Variants in SPATA17 observed in about 807,000 individuals in gnomAD.
SPATA17 encodes spermatogenesis-associated protein 17.
In SPATA17, 53 loss-of-function variants were observed where a neutral mutation model predicts 62.2. That is an observed-to-expected ratio of 0.85 (90% confidence interval 0.68 to 1.07). The LOEUF is 1.07. Ranked by LOEUF, SPATA17 falls within the 50% of genes least tolerant of loss-of-function variation. The probability of loss-of-function intolerance (pLI) is 0.00; values close to 1 mark genes in which losing one functional copy is unlikely to be tolerated. For synonymous variants in SPATA17, 146 were observed against 146.8 expected, an observed-to-expected ratio of 0.99 and a Z score of 0.04; for missense variants, 466 against 425.5, an observed-to-expected ratio of 1.10 and a Z score of -0.84.
At chr1:217,783,689 C>T (rs916751285) in intron 8 of SPATA17, among the ~76,000 whole-genome samples, 33 of 151,974 alleles carry the variant, frequency 2.2e-4, no homozygotes, top group African/African-American at 5.1e-4. Context: ...ACTAATTGCT[C>T]AAACAAATAA....
At position 217,726,668 on chromosome 1, in the gene SPATA17, T is replaced by C. The variant is rs141204845; in HGVS notation, c.396-15307T>C. Among the ~76,000 whole-genome samples the C allele has an allele frequency of 5.8e-3, 877 of 152,184 alleles. 9 individuals carry two copies. Among genetic ancestry groups the C allele is most frequent in the African/African-American group, 0.02 (829 of 41,532 alleles). On this transcript the variant is annotated intron_variant, in intron 5 of 10. Coordinates refer to ENST00000366933, the MANE Select transcript of SPATA17 (RefSeq NM_138796.4). ...CTGAGTTTATGATGGGGGTTGTGAC[T>C]GTTCCTTGTTTTCATGCGTATTTCC...
chr1:217,662,092 GT>G, intron 3 of SPATA17, among the ~76,000 whole-genome samples: 1 of 152,178 alleles, frequency 6.6e-6, no homozygotes, highest in Non-Finnish European at 1.5e-5. Flanking sequence ...GCATTTATCT[GT>G]AAAAACTAAA....
chr1:217,773,036 T>TGCTGCATTTGGGATAGGAC (rs1409115357), intron 6 of SPATA17, among the ~76,000 whole-genome samples: 15 of 151,994 alleles, frequency 9.9e-5, no homozygotes, highest in African/African-American at 3.6e-4. Flanking sequence ...TGGGATAGGA[T>TGCTGCATTTGGGATAGGAC]GTTGCATTTG....
chr1:217,826,293 T>C (rs1297606882), intron 9 of SPATA17, among the ~76,000 whole-genome samples: 1 of 152,102 alleles, frequency 6.6e-6, no homozygotes, highest in Non-Finnish European at 1.5e-5. Flanking sequence ...CAACTTAAAG[T>C]TCCAGCTTTA....
intron 3 of SPATA17, among the ~76,000 whole-genome samples, chr1:217,662,422 C>T (rs967428339): frequency 2.0e-5 from 3 of 151,620 alleles, no homozygotes; most frequent in Non-Finnish European, 4.4e-5. Context: ...GTATTAATAG[C>T]CTATGGTAGA....
intron 3 of SPATA17, among the ~76,000 whole-genome samples, chr1:217,666,623 AG>A (rs1464521209): frequency 6.6e-6 from 1 of 152,168 alleles, no homozygotes; most frequent in East Asian, 1.9e-4. Flanking sequence ...AGTAGCATTA[AG>A]TATATTCACA....
chr1:217,757,808 G>C (rs1404158287), intron 6 of SPATA17, among the ~76,000 whole-genome samples: 1 of 152,172 alleles, frequency 6.6e-6, no homozygotes, highest in African/African-American at 2.4e-5. Flanking sequence ...TACGTTGTAG[G>C]CTTAAACAAG....
At chr1:217,781,022 G>C (rs914293311) in intron 7 of SPATA17, among the ~76,000 whole-genome samples, 2 of 151,986 alleles carry the variant, frequency 1.3e-5, no homozygotes, top group Non-Finnish European at 1.5e-5. Flanking sequence ...TCTTTAAAAA[G>C]TAAAATTCCA....
intron 9 of SPATA17, among the ~76,000 whole-genome samples, chr1:217,842,200 G>C (rs1214981630): frequency 6.6e-6 from 1 of 151,686 alleles, no homozygotes; most frequent in East Asian, 1.9e-4. Flanking sequence ...ACATATTCCT[G>C]CATTCAATTT....
At chr1:217,786,620 T>A (rs1483971558) in intron 8 of SPATA17, among the ~76,000 whole-genome samples, 1 of 152,120 alleles carries the variant, frequency 6.6e-6, no homozygotes, top group Admixed American at 6.6e-5. Context: ...ATAAAAAGAA[T>A]ATAAATTTGA....
intron 1 of SPATA17, among the ~76,000 whole-genome samples, chr1:217,635,099 T>C (rs1669907316): frequency 6.6e-6 from 1 of 152,252 alleles, no homozygotes; most frequent in Admixed American, 6.5e-5. Flanking sequence ...ATATTCTTAT[T>C]TAAATTTCAT....
At chr1:217,710,816 A>T (rs1480803551) in intron 5 of SPATA17, among the ~76,000 whole-genome samples, 3 of 99,876 alleles carry the variant, frequency 3.0e-5, no homozygotes, top group African/African-American at 9.6e-5. Flanking sequence ...TATACCCTTT[A>T]TTAGTCATCC....
At chr1:217,818,932 C>T (rs1571825916) in intron 9 of SPATA17, among the ~76,000 whole-genome samples, 1 of 134,542 alleles carries the variant, frequency 7.4e-6, no homozygotes, top group South Asian at 2.3e-4. Context: ...AATCTATTTC[C>T]TTTGGGCCAT....
chr1:217,826,115 G>A (rs1308633774), intron 9 of SPATA17, among the ~76,000 whole-genome samples: 1 of 152,062 alleles, frequency 6.6e-6, no homozygotes, highest in Non-Finnish European at 1.5e-5. Flanking sequence ...CCACAATTGT[G>A]CAGGCTCTAA....
intron 3 of SPATA17, among the ~76,000 whole-genome samples, chr1:217,653,645 A>G (rs887734935): frequency 7.0e-6 from 1 of 142,936 alleles, no homozygotes; most frequent in Non-Finnish European, 1.5e-5. Context: ...AATGGCTGAC[A>G]TTGGACAGTG....
intron 5 of SPATA17, among the ~76,000 whole-genome samples, chr1:217,687,506 A>G (rs1159849108): frequency 6.6e-6 from 1 of 152,200 alleles, no homozygotes; most frequent in Non-Finnish European, 1.5e-5. Context: ...GTAAGATTAT[A>G]ATACTATACT....
chr1:217,645,106 T>G (rs1171949951), intron 1 of SPATA17, among the ~76,000 whole-genome samples: 2 of 152,074 alleles, frequency 1.3e-5, no homozygotes, highest in Non-Finnish European at 2.9e-5. Context: ...AGAAGTCAAA[T>G]TTTAGCACAT....
intron 6 of SPATA17, among the ~76,000 whole-genome samples, chr1:217,766,155 T>C (rs1673294838): frequency 6.6e-6 from 1 of 152,006 alleles, no homozygotes; most frequent in South Asian, 2.1e-4. Context: ...CCATTAGTGT[T>C]TAAAGTGATT....
chr1:217,861,196 CAA>C (rs1675890978), intron 9 of SPATA17, among the ~76,000 whole-genome samples: 1 of 151,778 alleles, frequency 6.6e-6, no homozygotes, highest in South Asian at 2.1e-4. Flanking sequence ...TTATTTAGAA[CAA>C]AGACTGTTAT....
Sources: allele counts gnomAD v4.1 joint callset (sites outside exome capture counted in the v4.1 genomes callset), GRCh38; gene constraint gnomAD v4.1.1; transcripts MANE v1.5; gene names NCBI Gene and HGNC (gene_info 2026-07-23, HGNC 2026-07-21).